The following MRS2 variants were observed in gnomAD, a reference collection of about 807,000 sequenced individuals.
The protein encoded by MRS2 is magnesium transporter MRS2.
MRS2 carries 40 observed loss-of-function variants against 52.6 expected under a neutral mutation model. The observed-to-expected ratio is 0.76, with a 90% CI of 0.59 to 0.99. MRS2 has a LOEUF of 0.99. Ranked by LOEUF, MRS2 falls within the 50% of genes least tolerant of loss-of-function variation. The pLI is 0.00. For missense variants in MRS2, 472 were observed against 532.7 expected (o/e 0.89, Z 1.12); for synonymous variants, 193 against 195.9 (o/e 0.98, Z 0.13).
intron 9 of MRS2, among the ~76,000 whole-genome samples, chr6:24,420,685 A>G (rs1423278335): frequency 6.6e-6 from 1 of 152,210 alleles, no homozygotes; most frequent in Non-Finnish European, 1.5e-5. Flanking sequence ...TTTTAGAGAT[A>G]GGGTGGTCAA....
At chr6:24,415,594 G>A (rs148269875) in intron 6 of MRS2, among the ~76,000 whole-genome samples, 1,739 of 152,136 alleles carry the variant, frequency 0.011, 23 homozygotes, top group African/African-American at 0.038. Context: ...TTATACTCCC[G>A]AAATCCCTTC....
At chr6:24,416,008 G>A (rs1302965630) in intron 6 of MRS2, among the ~76,000 whole-genome samples, 1 of 152,056 alleles carries the variant, frequency 6.6e-6, no homozygotes, top group Admixed American at 6.6e-5. Flanking sequence ...TCAGCTCACT[G>A]CAGCCTTAAC....
At chr6:24,404,347 A>G (rs1048895338) in intron 1 of MRS2, among the ~76,000 whole-genome samples, 1 of 152,218 alleles carries the variant, frequency 6.6e-6, no homozygotes, top group Non-Finnish European at 1.5e-5. Context: ...AATGCCTTTT[A>G]CCTTTATTCA....
intron 2 of MRS2, among the ~76,000 whole-genome samples, chr6:24,406,525 A>G (rs6456612): frequency 0.39 from 59,735 of 151,922 alleles, 12,219 homozygotes; most frequent in East Asian, 0.76. Context: ...TGTAATCCCA[A>G]CACTTTGGGA....
rs371536419 is a variant in MRS2, at chr6:24,403,206, C to G, written c.160C>G (p.Leu54Val). The change falls in exon 1 of 11, where the codon CTT becomes GTT. Residue 54 changes from leucine to valine, a missense_variant. Transcript: ENST00000378386. The stretch of plus-strand genomic sequence containing the variant: ...GATTGGAAGGAGCCGAGCGGCGCAG[C>G]TTTGCGGGCCCGACCGGCTCCGCGT... ...NLIGRSRAAQ[L>V]CGPDRLRVAG... 5 of 1,601,624 alleles carry G rather than the reference C, an allele frequency of 3.1e-6. No homozygotes were observed. In the African/African-American group the frequency reaches 6.7e-5, roughly 21 times the overall value.
intron 4 of MRS2, among the ~76,000 whole-genome samples, chr6:24,411,601 C>T (rs560380667): frequency 6.6e-6 from 1 of 152,282 alleles, no homozygotes; most frequent in Admixed American, 6.5e-5. Context: ...TGCAGTGGCA[C>T]AATCTCAGCT....
intron 2 of MRS2, among the ~76,000 whole-genome samples, chr6:24,405,770 T>C (rs1478655818): frequency 9.8e-6 from 1 of 101,548 alleles, no homozygotes; most frequent in Non-Finnish European, 1.8e-5. Flanking sequence ...AACTTCTTTG[T>C]AGGCTTTTTT....
chr6:24,404,786 C>G (rs531484778), intron 1 of MRS2, among the ~76,000 whole-genome samples: 1 of 152,172 alleles, frequency 6.6e-6, no homozygotes, highest in Admixed American at 6.5e-5. Context: ...GTATCTACTA[C>G]CAAATGTGCA....
At chr6:24,411,934 C>T (rs1191511054) in intron 4 of MRS2, among the ~76,000 whole-genome samples, 10 of 141,446 alleles carry the variant, frequency 7.1e-5, no homozygotes, top group Non-Finnish European at 1.4e-4. Context: ...GTGAATAATT[C>T]CAGTTTTATT....
chr6:24,418,475 T>C lies in MRS2; in HGVS notation c.1004T>C (p.Met335Thr). 1.2e-6 allele frequency: 2 copies of C among 1,614,122 alleles called. No homozygotes were observed. Among genetic ancestry groups the C allele is most frequent in the Non-Finnish European group, 1.7e-6 (2 of 1,180,020 alleles). Residue 335 changes from methionine (M) to threonine (T), a missense_variant, in exon 9 of 11, where the codon ATG becomes ACG. By Grantham distance (81) the Met-to-Thr change is moderately conservative. Transcript: ENST00000378386. ...FINLDSHRNV[M>T]MRLNLQLTMG... ...CTCCTCTCCAGCCACCGAAACGTGA[T>C]GATGAGGTTGAATCTACAGCTGACC...
At position 24,403,027 on chromosome 6, in the gene MRS2, C is replaced by T. The variant is rs770006697; in HGVS notation, c.-20C>T. On this transcript the variant is annotated 5_prime_UTR_variant, in exon 1 of 11. Coordinates refer to ENST00000378386, the MANE Select transcript of MRS2 (RefSeq NM_020662.4). The stretch of plus-strand genomic sequence containing the variant: ...TGAAGGTCTGGGGTCTGGCTGCTGC[C>T]TGCTTCTTGCTCCAGCACCATGGAA... The T allele has an allele frequency of 1.3e-6, 2 of 1,568,636 alleles. No individual in the cohort carries two copies. The highest frequency in any genetic ancestry group is 1.7e-6 in the Non-Finnish European group (2 of 1,159,126).
In MRS2 at chr6:24,411,392, A is replaced by G. The variant is rs375919249; in HGVS notation, c.415-830A>G. Among the ~76,000 whole-genome samples the G allele has an allele frequency of 1.1e-3, 161 of 152,272 alleles. 1 individual carries two copies. Among genetic ancestry groups the G allele is most frequent in the African/African-American group, 3.7e-3 (154 of 41,560 alleles). On this transcript the variant is annotated intron_variant, in intron 4 of 10. Coordinates refer to ENST00000378386, the MANE Select transcript of MRS2 (RefSeq NM_020662.4). ...TAAGGCTATGTTTCATCTTAATTTC[A>G]GATTTTGTTTATATGCTTTAGTGGT...
chr6:24,423,660 T>C lies in MRS2; in HGVS notation c.1298T>C (p.Leu433Pro). ...AAAAATAGCCTCAGACTGGATGGACTTGGATCAGGAAGGAGCATCCTAACA... is the reference window on the plus strand; with the variant it reads ...AAAAATAGCCTCAGACTGGATGGACCTGGATCAGGAAGGAGCATCCTAACA... ...ELKNSLRLDG[L>P]GSGRSILTNR The change falls in exon 11 of 11, where the codon CTT (leucine) becomes CCT (proline). Residue 433 changes from leucine to proline, a missense_variant. Transcript: ENST00000378386. The C allele has an allele frequency of 1.9e-6, 3 of 1,612,160 alleles. No individual in the cohort carries two copies. The highest frequency in any genetic ancestry group is 1.3e-5 in the African/African-American group (1 of 74,980).
At chr6:24,414,962 G>C (rs1258998335) in intron 5 of MRS2, 71 bp from the exon 6 acceptor site, 6 of 1,361,560 alleles carry the variant, frequency 4.4e-6, no homozygotes, top group African/African-American at 1.4e-5. Flanking sequence ...TATTTAATCA[G>C]AGGATTCACT....
intron 5 of MRS2, among the ~76,000 whole-genome samples, chr6:24,414,456 C>T (rs557723077): frequency 4.5e-4 from 68 of 151,578 alleles, no homozygotes; most frequent in African/African-American, 1.0e-3. Context: ...TCAGAGAGCA[C>T]AGGGTTGGGG....
chr6:24,423,496 C>G lies in MRS2; in HGVS notation c.1222-88C>G. On this transcript the variant is annotated intron_variant, in intron 10 of 10. Coordinates refer to ENST00000378386, the MANE Select transcript of MRS2 (RefSeq NM_020662.4). The stretch of plus-strand genomic sequence containing the variant: ...ACACTGATACTGCTTATAGTCCTTT[C>G]TTCACTGAGTAGTTACATAATACAT... The G allele has an allele frequency of 4.6e-6, 3 of 657,282 alleles. 1 individual carries two copies. The highest frequency in any genetic ancestry group is 7.8e-6 in the Non-Finnish European group (3 of 384,670). 40.7% of individuals were successfully genotyped at this position (657,282 alleles called of 1,614,324 possible). A position where few individuals can be genotyped will look rare whatever the true frequency, so the allele number is the denominator to read the frequency against.
intron 9 of MRS2, among the ~76,000 whole-genome samples, chr6:24,422,600 GA>G (rs1762083582): frequency 6.7e-6 from 1 of 148,674 alleles, no homozygotes; most frequent in Admixed American, 6.7e-5. Flanking sequence ...CACAGTTTGA[GA>G]ACTGTGGATA....
At position 24,412,345 on chromosome 6, in the gene MRS2, T is replaced by C. The variant is rs201401855; in HGVS notation, c.538T>C (p.Tyr180His). The change falls in exon 5 of 11, where the codon TAC (tyrosine) becomes CAC (histidine). Residue 180 changes from tyrosine (Y) to histidine (H), a missense_variant. Transcript: ENST00000378386. The stretch of plus-strand genomic sequence containing the variant: ...GTCTGGAGAGGGTCAACTCGTTACA[T>C]ACCCTTTACCTTTTGAGTTTAGAGC... ...QLSGEGQLVT[Y>H]PLPFEFRAIE... 16 of 1,595,386 alleles carry C rather than the reference T, an allele frequency of 1.0e-5. No individual in the cohort carries two copies. The highest frequency in any genetic ancestry group is 1.4e-5 in the Non-Finnish European group (16 of 1,171,784).
chr6:24,417,728 G>C (rs993372844), intron 7 of MRS2, among the ~76,000 whole-genome samples: 10 of 152,162 alleles, frequency 6.6e-5, no homozygotes, highest in African/African-American at 1.9e-4. Flanking sequence ...CAGATCACAA[G>C]GTCAGGAGTT....
Sources: allele counts gnomAD v4.1 joint callset (sites outside exome capture counted in the v4.1 genomes callset), GRCh38; gene constraint gnomAD v4.1.1; transcripts MANE v1.5; gene names NCBI Gene and HGNC (gene_info 2026-07-23, HGNC 2026-07-21).